Variants in NECTIN2 observed in about 807,000 individuals in gnomAD.
NECTIN2 encodes the protein nectin-2.
NECTIN2 carries 23 observed loss-of-function variants against 56.9 expected under a neutral mutation model. That is an observed-to-expected ratio of 0.40 (90% CI 0.29 to 0.57). The LOEUF (loss-of-function observed/expected upper bound fraction) is 0.57. Among genes scored for constraint, NECTIN2 ranks in the 20% least tolerant of loss-of-function variants. The pLI, the probability that NECTIN2 is intolerant of heterozygous loss-of-function variation, is 0.38. For synonymous variants in NECTIN2, 302 were observed against 313.8 expected, an observed-to-expected ratio of 0.96 and a Z score of 0.40; for missense variants, 587 against 718.3, an observed-to-expected ratio of 0.82 and a Z score of 2.09.
Position 44,865,366 on chromosome 19 carries a change from G to T in NECTIN2, c.184G>T (p.Gly62Ter). 2 of 1,614,154 alleles carry T rather than the reference G, an allele frequency of 1.2e-6. No individual in the cohort carries two copies. Among genetic ancestry groups the T allele is most frequent in the Non-Finnish European group, 8.5e-7 (1 of 1,180,036 alleles). Residue 62 changes from glycine to a stop codon, truncating the protein, a stop_gained, in exon 2 of 9, where the codon GGA becomes TGA. Transcript: ENST00000252483. LOFTEE classifies it high-confidence loss of function. The surrounding 1 kb of genome is among the most constrained non-coding windows in gnomAD (Gnocchi z 5.2). ...LPCHLLPPVP[G>*]LYISLVTWQR... ...GTGCCACCTGCTGCCACCTGTTCCT[G>T]GACTGTACATCTCCCTGGTGACCTG... is the stretch of plus-strand genomic sequence containing the variant.
chr19:44,852,618 C>G (rs1451064710), intron 1 of NECTIN2, among the ~76,000 whole-genome samples: 1 of 151,688 alleles, frequency 6.6e-6, no homozygotes, highest in Non-Finnish European at 1.5e-5. Flanking sequence ...CAGGATCCTT[C>G]TAGCTGTGCA....
intron 1 of NECTIN2, among the ~76,000 whole-genome samples, chr19:44,864,938 GATC>G (rs1483353479): frequency 2.0e-5 from 3 of 152,146 alleles, no homozygotes; most frequent in African/African-American, 7.2e-5. Context: ...AGTAACTTGA[GATC>G]ATGACATTGC....
chr19:44,869,609 A>G (rs1243262723), intron 2 of NECTIN2, among the ~76,000 whole-genome samples: 3 of 141,292 alleles, frequency 2.1e-5, no homozygotes, highest in South Asian at 2.1e-4. Context: ...AAAAAAAAAA[A>G]GAAAAGAAAA....
chr19:44,877,976 G>T (rs113968587), intron 5 of NECTIN2, among the ~76,000 whole-genome samples: 1 of 152,080 alleles, frequency 6.6e-6, no homozygotes, highest in African/African-American at 2.4e-5. Context: ...CCACCGGTTG[G>T]CATCCCCCTC....
Position 44,874,635 on chromosome 19 carries a change from T to C in NECTIN2, c.1042+157T>C. The C allele has an allele frequency of 1.1e-6, 1 of 904,926 alleles. No homozygotes were observed. The highest frequency in any genetic ancestry group is 1.6e-5 in the South Asian group (1 of 61,874). 56.1% of individuals were successfully genotyped at this position (904,926 alleles called of 1,614,324 possible). ...GGGGAGATGAGGGTTGGCCTTCCCC[T>C]CGTGGCCTCAGACTGGGGTCTGGAT... On this transcript the variant is annotated intron_variant, in intron 5 of 8. Coordinates refer to ENST00000252483, the MANE Select transcript of NECTIN2 (RefSeq NM_001042724.2). This position sits in a 1 kb window ranked among gnomAD's most constrained non-coding sequence, Gnocchi z 6.3.
intron 1 of NECTIN2, among the ~76,000 whole-genome samples, chr19:44,848,514 G>A (rs898053241): frequency 4.6e-5 from 7 of 151,970 alleles, no homozygotes; most frequent in Middle Eastern, 3.2e-3. Flanking sequence ...CTTTCCCTGC[G>A]GACCATCCGG....
chr19:44,852,635 C>G (rs1003105442), intron 1 of NECTIN2, among the ~76,000 whole-genome samples: 1 of 151,794 alleles, frequency 6.6e-6, no homozygotes, highest in Non-Finnish European at 1.5e-5. Flanking sequence ...TGCATAGGAA[C>G]AAACCACAAG....
At chr19:44,851,348 C>T (rs1338261143) in intron 1 of NECTIN2, among the ~76,000 whole-genome samples, 1 of 151,384 alleles carries the variant, frequency 6.6e-6, no homozygotes, top group Non-Finnish European at 1.5e-5. Flanking sequence ...GCCCAGGCCC[C>T]CTGCTCTTCC....
rs773746451 is a variant in NECTIN2 at position 44,872,039 on chromosome 19, G to A, written c.665G>A (p.Arg222His). Residue 222 changes from arginine to histidine, a missense_variant, in exon 3 of 9, where the codon CGC becomes CAC. Transcript: ENST00000252483. ...GCCGGAACTGTCACTGTCACCAGCCGCTTCACCTTGGTGCCCTCGGGCCGA... is the reference window on the plus strand; with the variant it reads ...GCCGGAACTGTCACTGTCACCAGCCACTTCACCTTGGTGCCCTCGGGCCGA... ...TLAGTVTVTS[R>H]FTLVPSGRAD... is the part of the protein sequence containing the mutation. The A allele has an allele frequency of 2.9e-5, 47 of 1,614,152 alleles. 1 individual carries two copies. The highest frequency in any genetic ancestry group is 1.6e-4 in the Middle Eastern group (1 of 6,062).
chr19:44,878,502 A>C, intron 5 of NECTIN2: 1 of 1,613,974 alleles, frequency 6.2e-7, no homozygotes, highest in Non-Finnish European at 8.5e-7. Flanking sequence ...GAGGAGGAGG[A>C]GGAGGAGGAA....
intron 6 of NECTIN2, among the ~76,000 whole-genome samples, 169 bp from the exon 7 acceptor site, chr19:44,885,768 T>G (rs768548256): frequency 2.0e-5 from 3 of 152,150 alleles, no homozygotes; most frequent in Non-Finnish European, 2.9e-5. Context: ...ACCTGAAGGC[T>G]TCCGGGAAAA....
chr19:44,887,479 A>C (rs529571541), intron 8 of NECTIN2, among the ~76,000 whole-genome samples: 17 of 151,444 alleles, frequency 1.1e-4, no homozygotes, highest in Non-Finnish European at 2.1e-4. Context: ...CCCTGTCTCT[A>C]CTAAAAATTA....
chr19:44,882,848 C>T (rs1217483759), intron 6 of NECTIN2, among the ~76,000 whole-genome samples: 1 of 149,066 alleles, frequency 6.7e-6, no homozygotes, highest in African/African-American at 2.5e-5. Context: ...GTGATGCAAT[C>T]TCGGCTCACT....
intron 1 of NECTIN2, 137 bp downstream of exon 1, chr19:44,846,750 C>G: frequency 2.0e-6 from 2 of 979,716 alleles, no homozygotes; most frequent in Non-Finnish European, 2.9e-6. Context: ...CCTGGCTGGC[C>G]CCACAGACTC....
Position 44,846,464 on chromosome 19 carries a change from A to T in NECTIN2, c.-62A>T, listed in dbSNP as rs1286453972. ...AGGCACCTACTAAACCGCCCAGCCGATCGGCCCCCACAGAGTGGCCCGCGG... is the reference window on the plus strand; with the variant it reads ...AGGCACCTACTAAACCGCCCAGCCGTTCGGCCCCCACAGAGTGGCCCGCGG... On this transcript the variant is annotated 5_prime_UTR_variant, in exon 1 of 9. Coordinates refer to ENST00000252483, the MANE Select transcript of NECTIN2 (RefSeq NM_001042724.2). The T allele has an allele frequency of 7.2e-7, 1 of 1,397,396 alleles. No homozygotes were observed. The highest frequency in any genetic ancestry group is 3.0e-5 in the East Asian group (1 of 33,854). 86.6% of individuals were successfully genotyped at this position (1,397,396 alleles called of 1,614,324 possible). A position where few individuals can be genotyped will look rare whatever the true frequency, so the allele number is the denominator to read the frequency against.
intron 5 of NECTIN2, chr19:44,878,804 G>C: frequency 7.2e-7 from 1 of 1,389,306 alleles, no homozygotes; most frequent in South Asian, 1.7e-5. Flanking sequence ...CCGTCTCTAG[G>C]GCTGCATGGG....
chr19:44,852,076 C>G (rs1437885931), intron 1 of NECTIN2, among the ~76,000 whole-genome samples: 4 of 152,138 alleles, frequency 2.6e-5, no homozygotes, highest in African/African-American at 9.7e-5. Context: ...GCGCCTCCCC[C>G]CGAGACCCCT....
intron 8 of NECTIN2, among the ~76,000 whole-genome samples, chr19:44,886,581 G>A (rs1173526584): frequency 6.6e-6 from 1 of 152,014 alleles, no homozygotes; most frequent in Non-Finnish European, 1.5e-5. Flanking sequence ...AATTAGTTGG[G>A]TGTGGTGGTG....
chr19:44,875,937 G>A lies in NECTIN2; in HGVS notation c.1042+1459G>A, dbSNP rs1309033076. Among the ~76,000 whole-genome samples the A allele has an allele frequency of 6.6e-6, 1 of 152,082 alleles. No homozygotes were observed. The highest frequency in any genetic ancestry group is 1.5e-5 in the Non-Finnish European group (1 of 68,022). On this transcript the variant is annotated intron_variant, in intron 5 of 8. Coordinates refer to ENST00000252483, the MANE Select transcript of NECTIN2 (RefSeq NM_001042724.2). This position sits in a 1 kb window ranked among gnomAD's most constrained non-coding sequence, Gnocchi z 4.2. ...CGCGTGAGGATGCACATAAGTCCCC[G>A]GAGGAAGACGTCACACAGACACGCT...
Sources: gnomAD v4.1 joint callset for allele counts (sites outside exome capture counted in the v4.1 genomes callset) on GRCh38, gnomAD v4.1.1 for gene constraint, Gnocchi (gnomAD v3.1) non-coding constraint, MANE v1.5 for transcripts, NCBI Gene and HGNC (gene_info 2026-07-23, HGNC 2026-07-21) for gene names.